GSE1: variants seen among roughly 807,000 people sequenced by gnomAD.
GSE1 encodes genetic suppressor element 1.
Under a neutral mutation model 112.6 loss-of-function variants are expected in GSE1, and 32 were observed. The observed-to-expected ratio is 0.28, with a 90% CI of 0.21 to 0.38. The LOEUF is 0.38. Among genes scored for constraint, GSE1 ranks in the 10% least tolerant of loss-of-function variants. The pLI is 1.00. For synonymous variants in GSE1, 1,115 were observed against 735.6 expected (o/e 1.52, Z -8.35); for missense variants, 2,348 against 1,699.2 (o/e 1.38, Z -6.71).
intron 2 of GSE1, among the ~76,000 whole-genome samples, chr16:85,500,399 T>C (rs563995247): frequency 6.6e-5 from 10 of 152,202 alleles, no homozygotes; most frequent in Admixed American, 1.3e-4. Flanking sequence ...GCACCAGTAA[T>C]TGGCTAAAAT....
rs369855647 is a variant in GSE1 at position 85,382,338 on chromosome 16, C to A, written c.2464+24695C>A. ...GGACGGCCGCCTTGTAGTCACCAGA[C>A]CCTCTGAGACAGGATTTGCTTCCCA... On this transcript the variant is annotated intron_variant, in intron 2 of 2. Coordinates refer to the GSE1 transcript ENST00000637419. 2.0e-5 allele frequency among the ~76,000 whole-genome samples: 3 copies of A among 152,302 alleles called. No individual in the cohort carries two copies. The South Asian group carries it at 6.2e-4, about 32-fold the overall frequency.
In GSE1 at chr16:85,303,476, C is replaced by T. The variant is rs368751205; in HGVS notation, c.2284-53987C>T. 2.2e-4 allele frequency among the ~76,000 whole-genome samples: 33 copies of T among 151,712 alleles called. No individual in the cohort carries two copies. The South Asian group carries it at 6.6e-3, about 30-fold the overall frequency. On this transcript the variant is annotated intron_variant, in intron 1 of 2. Transcript: ENST00000637419. ...CTAGCCACCAGAGGGCGCCGCACCC[C>T]CGCCGCTGTCCGCCGCTTGCTGAGC...
In GSE1 at chr16:85,661,252, G is replaced by GCCCTCTGGAACCCCGTGT; in HGVS notation, c.1752_1769dup (p.Trp585_Leu590dup). 6.2e-7 allele frequency: 1 copy of GCCCTCTGGAACCCCGTGT among 1,612,922 alleles called. No individual in the cohort carries two copies. The highest frequency in any genetic ancestry group is 8.5e-7 in the Non-Finnish European group (1 of 1,179,962). On this transcript the variant is annotated inframe_insertion, in exon 9 of 16. Transcript: ENST00000253458. ...GCCCCAGCTCCATGCTGCACCCACG[G>GCCCTCTGGAACCCCGTGT]CCCTCTGGAACCCCGTGTCCCTGAT...
At chr16:85,217,907 A>G (rs1353562173) in intron 1 of GSE1, among the ~76,000 whole-genome samples, 1 of 151,506 alleles carries the variant, frequency 6.6e-6, no homozygotes, top group Non-Finnish European at 1.5e-5. Flanking sequence ...TTTATTTTTT[A>G]TATATATTTT....
At chr16:85,400,329 ATGTC>A (rs1321788034) in intron 2 of GSE1, among the ~76,000 whole-genome samples, 17 of 147,134 alleles carry the variant, frequency 1.2e-4, no homozygotes, top group African/African-American at 4.1e-4. Flanking sequence ...GTGTGATTAT[ATGTC>A]TGTGTGTGTC....
intron 1 of GSE1, among the ~76,000 whole-genome samples, chr16:85,294,489 A>T (rs2045306117): frequency 6.6e-6 from 1 of 152,208 alleles, no homozygotes; most frequent in African/African-American, 2.4e-5. Flanking sequence ...GCTATTACAG[A>T]TGCTGCCCAG....
At chr16:85,454,951 G>A (rs1003019185) in intron 2 of GSE1, among the ~76,000 whole-genome samples, 2 of 152,206 alleles carry the variant, frequency 1.3e-5, no homozygotes, top group Non-Finnish European at 2.9e-5. Context: ...GAGGGTGAGG[G>A]TATGGACAGA....
chr16:85,349,027 C>T (rs541315997), intron 1 of GSE1, among the ~76,000 whole-genome samples: 1 of 152,286 alleles, frequency 6.6e-6, no homozygotes, highest in East Asian at 1.9e-4. Flanking sequence ...ACAGATGTGG[C>T]AGCCACCAGC....
intron 1 of GSE1, among the ~76,000 whole-genome samples, chr16:85,264,380 C>G (rs58379548): frequency 6.6e-6 from 1 of 152,078 alleles, no homozygotes; most frequent in Non-Finnish European, 1.5e-5. Context: ...GAGCCCTGGC[C>G]TCACGCTGGG....
chr16:85,480,732 C>G (rs1042877131), intron 2 of GSE1, among the ~76,000 whole-genome samples: 19 of 152,020 alleles, frequency 1.2e-4, no homozygotes, highest in African/African-American at 4.6e-4. Context: ...GATGTGGGGC[C>G]AGACTGGGTG....
At chr16:85,432,839 C>G (rs2049153053) in intron 2 of GSE1, among the ~76,000 whole-genome samples, 1 of 152,088 alleles carries the variant, frequency 6.6e-6, no homozygotes, top group African/African-American at 2.4e-5. Context: ...GGATTTGAAC[C>G]TCGGTCTGTC....
rs554892324 is a variant in GSE1, at chr16:85,373,320, G to T, written c.2464+15677G>T. Among the ~76,000 whole-genome samples, 5 of 152,348 alleles carry T rather than the reference G, an allele frequency of 3.3e-5. No homozygotes were observed. Among genetic ancestry groups the T allele is most frequent in the Admixed American group, 3.3e-4 (5 of 15,308 alleles). ...TGTCTCAAACAGCCAGGCTGTTGGG[G>T]TGCCTTCTCTGATGTCTTCTATCAT... On this transcript the variant is annotated intron_variant, in intron 2 of 2. Transcript: ENST00000637419. The surrounding 1 kb of genome is among the most constrained non-coding windows in gnomAD (Gnocchi z 5.1).
At chr16:85,272,860 T>C (rs1159057962) in intron 1 of GSE1, among the ~76,000 whole-genome samples, 1 of 149,992 alleles carries the variant, frequency 6.7e-6, no homozygotes, top group African/African-American at 2.5e-5. Flanking sequence ...CACTGCAACC[T>C]CTGTCTCCCA....
At chr16:85,519,296 C>A (rs2052061489) in intron 2 of GSE1, among the ~76,000 whole-genome samples, 2 of 131,360 alleles carry the variant, frequency 1.5e-5, no homozygotes, top group South Asian at 5.6e-4. Context: ...ACCACCATCA[C>A]CGGTCTCCAT....
At chr16:85,553,581 C>T (rs1440596366), upstream of GSE1, among the ~76,000 whole-genome samples, 1 of 152,054 alleles carries the variant, frequency 6.6e-6, no homozygotes, top group Non-Finnish European at 1.5e-5. Context: ...CTCAAAGACG[C>T]TCCTCGCACC....
intron 2 of GSE1, among the ~76,000 whole-genome samples, chr16:85,472,659 C>G (rs1036518193): frequency 6.6e-6 from 1 of 152,234 alleles, no homozygotes; most frequent in Non-Finnish European, 1.5e-5. Context: ...CTGGCCTCCC[C>G]CTGTTGGAGC....
chr16:85,297,665 G>A (rs1451414866), intron 1 of GSE1, among the ~76,000 whole-genome samples: 3 of 152,152 alleles, frequency 2.0e-5, no homozygotes, highest in African/African-American at 7.2e-5. Flanking sequence ...CAAAGTGCCT[G>A]GCTAATTTTC....
intron 1 of GSE1, among the ~76,000 whole-genome samples, chr16:85,591,115 G>C (rs2046985741): frequency 6.6e-6 from 1 of 152,212 alleles, no homozygotes; most frequent in South Asian, 2.1e-4. Flanking sequence ...GGGACTTACA[G>C]ACCCCCTGAC....
rs776200160 is a variant in GSE1 at position 85,665,927 on chromosome 16, C to A, written c.2759-49C>A. 6 of 1,585,322 alleles carry A rather than the reference C, an allele frequency of 3.8e-6. No individual in the cohort carries two copies. The African/African-American group carries it at 6.7e-5, about 18-fold the overall frequency. On this transcript the variant is annotated intron_variant, in intron 12 of 15. Coordinates refer to ENST00000253458, the MANE Select transcript of GSE1 (RefSeq NM_014615.5). ...CAGGATCTGCGTGCTGGACACTCAG[C>A]CTGTTAACTTGCATTTCTTAATATT...
Sources: allele counts gnomAD v4.1 joint callset (sites outside exome capture counted in the v4.1 genomes callset), GRCh38; gene constraint gnomAD v4.1.1; non-coding constraint Gnocchi (gnomAD v3.1); transcripts MANE v1.5; gene names NCBI Gene and HGNC (gene_info 2026-07-23, HGNC 2026-07-21).